Variants in DLG2 observed in about 807,000 individuals in gnomAD.
DLG2 encodes the protein disks large homolog 2.
In DLG2, 45 loss-of-function variants were observed where a neutral mutation model predicts 132.5. That is an observed-to-expected ratio of 0.34 (90% CI 0.27 to 0.44). The LOEUF (loss-of-function observed/expected upper bound fraction) is 0.44, where lower values mean the gene tolerates loss of function less well. Among genes scored for constraint, DLG2 ranks in the 20% least tolerant of loss-of-function variants. The pLI is 1.00. For missense variants in DLG2, 1,045 were observed against 1,196.9 expected (o/e 0.87, Z 1.87); for synonymous variants, 424 against 419.6 (o/e 1.01, Z -0.13).
chr11:84,994,467 C>G (rs373626969), intron 6 of DLG2, among the ~76,000 whole-genome samples: 3 of 152,174 alleles, frequency 2.0e-5, no homozygotes, highest in African/African-American at 7.2e-5. Flanking sequence ...GTGGTTACTT[C>G]TCTGTGCTGA....
At chr11:84,742,537 G>T (rs1207909318) in intron 6 of DLG2, among the ~76,000 whole-genome samples, 2 of 152,100 alleles carry the variant, frequency 1.3e-5, no homozygotes, top group Non-Finnish European at 2.9e-5. Flanking sequence ...TGAGAGAAAG[G>T]TACAGAGATA....
chr11:83,636,162 A>C (rs1030613523), intron 18 of DLG2, among the ~76,000 whole-genome samples: 1 of 152,120 alleles, frequency 6.6e-6, no homozygotes, highest in Admixed American at 6.6e-5. Flanking sequence ...TTAAACATCT[A>C]ACTCTGTGCA....
chr11:83,796,715 C>A (rs775476312), intron 17 of DLG2, among the ~76,000 whole-genome samples: 1 of 152,134 alleles, frequency 6.6e-6, no homozygotes, highest in Non-Finnish European at 1.5e-5. Context: ...TGTGTGCCTA[C>A]CGTAGTGCCT....
chr11:84,340,834 C>A (rs2098511141), intron 7 of DLG2, among the ~76,000 whole-genome samples: 2 of 148,900 alleles, frequency 1.3e-5, no homozygotes, highest in African/African-American at 5.0e-5. Context: ...TGTTAAAGGG[C>A]CACTCTTGCA....
intron 6 of DLG2, among the ~76,000 whole-genome samples, chr11:84,781,802 C>G (rs745898674): frequency 1.3e-5 from 2 of 152,098 alleles, no homozygotes; most frequent in Non-Finnish European, 2.9e-5. Flanking sequence ...CAAGATATTT[C>G]CATGTCCTCA....
At position 84,802,098 on chromosome 11, in the gene DLG2, T is replaced by TA. The variant is rs567012280; in HGVS notation, c.358-267368dup. 4.3e-3 allele frequency among the ~76,000 whole-genome samples: 575 copies of TA among 132,860 alleles called. 7 individuals are homozygous for TA. Among genetic ancestry groups the TA allele is most frequent in the African/African-American group, 0.013 (482 of 35,784 alleles). 87.2% of individuals were successfully genotyped at this position (132,860 alleles called of 152,430 possible). A position where few individuals can be genotyped will look rare whatever the true frequency, so the allele number is the denominator to read the frequency against. The stretch of plus-strand genomic sequence containing the variant: ...TTGGGAAGCACAGCTTACTTTTAGT[T>TA]AAAAAAAAAAAGCAAAAAAAAAAAA... On this transcript the variant is annotated intron_variant, in intron 6 of 27. Coordinates refer to ENST00000376104, the MANE Select transcript of DLG2 (RefSeq NM_001142699.3).
At chr11:84,784,358 A>AAATG (rs1478272894) in intron 6 of DLG2, among the ~76,000 whole-genome samples, 1 of 132,238 alleles carries the variant, frequency 7.6e-6, no homozygotes, top group African/African-American at 2.6e-5. Context: ...ATAAATAAAT[A>AAATG]AATAAATAAA....
intron 11 of DLG2, among the ~76,000 whole-genome samples, chr11:84,012,836 C>T (rs902449047): frequency 1.3e-5 from 2 of 151,926 alleles, no homozygotes; most frequent in Admixed American, 6.6e-5. Flanking sequence ...ATCGAATACC[C>T]GCTCCAGGTC....
At chr11:84,186,645 G>A (rs1249599860) in intron 8 of DLG2, among the ~76,000 whole-genome samples, 1 of 151,856 alleles carries the variant, frequency 6.6e-6, no homozygotes, top group African/African-American at 2.4e-5. Flanking sequence ...TATTAGATAA[G>A]TTAGTATATG....
intron 3 of DLG2, among the ~76,000 whole-genome samples, chr11:85,487,530 AC>A (rs1367843028): frequency 6.6e-6 from 1 of 151,950 alleles, no homozygotes. Context: ...TGGAGAAAAT[AC>A]AAAATAAACT....
chr11:85,254,995 T>C (rs2076595363), intron 4 of DLG2, among the ~76,000 whole-genome samples: 2 of 142,156 alleles, frequency 1.4e-5, no homozygotes, highest in Admixed American at 1.4e-4. Context: ...CAAGACTCCA[T>C]CTCAAAAAAA....
At position 84,035,222 on chromosome 11, in the gene DLG2, C is replaced by A. The variant is rs2095829699; in HGVS notation, c.919+24093G>T. Among the ~76,000 whole-genome samples, 4 of 152,132 alleles carry A rather than the reference C, an allele frequency of 2.6e-5. 1 individual carries two copies. In the South Asian group the frequency reaches 8.3e-4, roughly 32 times the overall value. ...GACAGAATTCTTTCCTATTACAACT[C>A]TATTTTTCTCATGTATCCAACACTT... On this transcript the variant is annotated intron_variant, in intron 11 of 27. Coordinates refer to ENST00000376104, the MANE Select transcript of DLG2 (RefSeq NM_001142699.3).
At chr11:84,720,508 C>A in intron 6 of DLG2, 18 of 984,690 alleles carry the variant, frequency 1.8e-5, no homozygotes, top group Non-Finnish European at 2.0e-5. Flanking sequence ...CTGCCCCCTG[C>A]ACCCGCCGTG....
rs750438444 is a variant in DLG2, at chr11:83,936,433, G to A, written c.1341-5950C>T. Among the ~76,000 whole-genome samples, 19 of 152,102 alleles carry A rather than the reference G, an allele frequency of 1.2e-4. 1 individual carries two copies. Among genetic ancestry groups the A allele is most frequent in the African/African-American group, 3.1e-4 (13 of 41,406 alleles). ...GATCTTTATAATGGTTTGCTTTCCC[G>A]TATGGTTCACAGCTGTGGTATCACA... On this transcript the variant is annotated intron_variant, in intron 14 of 27. Coordinates refer to ENST00000376104, the MANE Select transcript of DLG2 (RefSeq NM_001142699.3).
At chr11:85,163,214 C>CACACACACAG (rs147435706) in intron 4 of DLG2, among the ~76,000 whole-genome samples, 1 of 150,548 alleles carries the variant, frequency 6.6e-6, no homozygotes, top group Admixed American at 6.6e-5. Flanking sequence ...ATTACACACA[C>CACACACACAG]ACACACACAG....
intron 16 of DLG2, among the ~76,000 whole-genome samples, chr11:83,867,025 C>T (rs948433839): frequency 6.6e-6 from 1 of 152,086 alleles, no homozygotes; most frequent in Non-Finnish European, 1.5e-5. Flanking sequence ...AAGTTTGTTC[C>T]CCATTTAATA....
At chr11:85,001,244 C>T (rs1430547109) in intron 6 of DLG2, among the ~76,000 whole-genome samples, 2 of 151,966 alleles carry the variant, frequency 1.3e-5, no homozygotes, top group Non-Finnish European at 2.9e-5. Flanking sequence ...CAGGTGCACA[C>T]TACCATGCCC....
chr11:84,654,434 G>A (rs763421687), intron 6 of DLG2, among the ~76,000 whole-genome samples: 13 of 152,228 alleles, frequency 8.5e-5, no homozygotes, highest in Middle Eastern at 3.4e-3. Flanking sequence ...TTTTTCACCT[G>A]CTAACTATGC....
intron 6 of DLG2, among the ~76,000 whole-genome samples, chr11:84,689,028 C>T (rs1167154445): frequency 6.6e-6 from 1 of 152,090 alleles, no homozygotes; most frequent in Non-Finnish European, 1.5e-5. Flanking sequence ...TGGAGACTAT[C>T]TACGTAAAAC....
Sources: gnomAD v4.1 joint callset for allele counts (sites outside exome capture counted in the v4.1 genomes callset) on GRCh38, gnomAD v4.1.1 for gene constraint, MANE v1.5 for transcripts, NCBI Gene and HGNC (gene_info 2026-07-23, HGNC 2026-07-21) for gene names.